Variants in OSBPL9 observed in about 807,000 individuals in gnomAD.
The protein encoded by OSBPL9 is oxysterol binding protein like 9.
A neutral mutation model predicts 106.6 loss-of-function variants in OSBPL9; 40 were observed. The ratio of observed to expected loss-of-function variants is 0.38; its 90% confidence interval spans 0.29 to 0.49. The LOEUF (loss-of-function observed/expected upper bound fraction) is 0.49, where lower values mean the gene tolerates loss of function less well. Among genes scored for constraint, OSBPL9 ranks in the 20% least tolerant of loss-of-function variants. The pLI is 0.97. For synonymous variants in OSBPL9, 269 were observed against 295.4 expected (o/e 0.91, Z 0.92); for missense variants, 609 against 887.2 (o/e 0.69, Z 3.98).
chr1:51,694,856 A>G (rs1236573243), intron 3 of OSBPL9, among the ~76,000 whole-genome samples: 2 of 152,224 alleles, frequency 1.3e-5, no homozygotes, highest in African/African-American at 4.8e-5. Flanking sequence ...GTTTGCCTAC[A>G]AGCTTGAATT....
rs77223248 is a variant in OSBPL9, at chr1:51,699,534, A to G, written c.242-14469A>G. Among the ~76,000 whole-genome samples the G allele has an allele frequency of 3.6e-4, 55 of 152,220 alleles. No homozygotes were observed. In the East Asian group the frequency reaches 7.1e-3, roughly 20 times the overall value. The stretch of plus-strand genomic sequence containing the variant: ...TATTTTGATGCTCAAATTGTCCTCA[A>G]TTTGACCAGAGGAATCCTATTTAAG... On this transcript the variant is annotated intron_variant, in intron 3 of 23. Coordinates refer to ENST00000428468, the MANE Select transcript of OSBPL9 (RefSeq NM_024586.6).
At chr1:51,703,556 G>T (rs1041842203) in intron 3 of OSBPL9, among the ~76,000 whole-genome samples, 1 of 152,186 alleles carries the variant, frequency 6.6e-6, no homozygotes, top group Non-Finnish European at 1.5e-5. Flanking sequence ...AGACAATGGG[G>T]TCTTCTAGAT....
chr1:51,779,209 A>G (rs1021792002), intron 15 of OSBPL9, among the ~76,000 whole-genome samples: 1 of 152,252 alleles, frequency 6.6e-6, no homozygotes, highest in African/African-American at 2.4e-5. Flanking sequence ...ACCCAGGCAC[A>G]TAGACCAATG....
At chr1:51,542,412 C>T in the OSBPL9 span, among the ~76,000 whole-genome samples, 1 of 152,146 alleles carries the variant, frequency 6.6e-6, no homozygotes, top group Non-Finnish European at 1.5e-5. Flanking sequence ...TCTTGTTGCC[C>T]TCATTTCCTA....
chr1:51,768,263 C>CT (rs1286034089), intron 12 of OSBPL9, among the ~76,000 whole-genome samples: 1 of 140,780 alleles, frequency 7.1e-6, no homozygotes, highest in African/African-American at 2.7e-5. Context: ...GAGTTTTGCT[C>CT]TTGTTGCCCA....
intron 1 of OSBPL9, among the ~76,000 whole-genome samples, chr1:51,629,292 A>C (rs1409169259): frequency 1.3e-5 from 2 of 152,152 alleles, no homozygotes; most frequent in South Asian, 2.1e-4. Flanking sequence ...ATAGAATGTA[A>C]GTTCCATTAG....
intron 17 of OSBPL9, 52 bp downstream of exon 17, chr1:51,782,695 A>T: frequency 1.3e-6 from 2 of 1,534,280 alleles, no homozygotes; most frequent in Non-Finnish European, 1.8e-6. Flanking sequence ...ATTCTGTCTA[A>T]AGAGGGTCAT....
chr1:51,715,612 T>C (rs1260488858), intron 4 of OSBPL9, among the ~76,000 whole-genome samples: 1 of 152,154 alleles, frequency 6.6e-6, no homozygotes, highest in Non-Finnish European at 1.5e-5. Context: ...AGTGATCATA[T>C]TAGACTGAAT....
intron 2 of OSBPL9, among the ~76,000 whole-genome samples, chr1:51,657,161 A>G (rs150612711): frequency 2.6e-5 from 4 of 152,330 alleles, no homozygotes; most frequent in African/African-American, 9.6e-5. Context: ...TAATCAGTAA[A>G]TGTTGGGAAA....
the OSBPL9 span, among the ~76,000 whole-genome samples, chr1:51,559,351 T>C: frequency 6.6e-6 from 1 of 151,880 alleles, no homozygotes; most frequent in Admixed American, 6.6e-5. Flanking sequence ...GATTAGAAGT[T>C]AGAAGAAAAC....
At position 51,772,172 on chromosome 1, in the gene OSBPL9, A is replaced by G. The variant is rs1401537872; in HGVS notation, c.1041A>G (p.Thr347=). The change falls in exon 13 of 24, where the codon ACA becomes ACG. Residue 347 remains threonine, a synonymous_variant. Transcript: ENST00000428468. ...ESLNSSLSNG[T]SDADLFDSHD... The stretch of plus-strand genomic sequence containing the variant: ...TTAATTCTTCCTTGTCCAATGGAAC[A>G]AGTGATGCTGGTAAGTGACCTTTGA... 1.9e-6 allele frequency: 3 copies of G among 1,610,404 alleles called. No individual in the cohort carries two copies. Among genetic ancestry groups the G allele is most frequent in the Non-Finnish European group, 2.5e-6 (3 of 1,177,742 alleles).
chr1:51,752,751 G>A (rs926895591), intron 8 of OSBPL9: 27 of 299,290 alleles, frequency 9.0e-5, no homozygotes, highest in South Asian at 6.8e-4. Flanking sequence ...GAGAGGGAGC[G>A]TGCACGTGTG....
At chr1:51,735,708 G>A (rs567187818) in intron 4 of OSBPL9, among the ~76,000 whole-genome samples, 4 of 152,388 alleles carry the variant, frequency 2.6e-5, no homozygotes, top group Middle Eastern at 6.8e-3. Context: ...CAGTGAATAA[G>A]TAATTATTGT....
intron 5 of OSBPL9, 151 bp from the exon 6 acceptor site, chr1:51,746,559 G>T: frequency 7.8e-6 from 4 of 515,746 alleles, no homozygotes; most frequent in African/African-American, 2.0e-5. Context: ...TTGAGTGCTC[G>T]AAAAAAAATA....
At chr1:51,711,317 C>T (rs182231905) in intron 3 of OSBPL9, among the ~76,000 whole-genome samples, 1,840 of 147,890 alleles carry the variant, frequency 0.012, 28 homozygotes, top group African/African-American at 0.041. Context: ...CCGGACGGGG[C>T]GGCTGGCCGG....
chr1:51,655,690 G>A (rs1247850041), intron 2 of OSBPL9, among the ~76,000 whole-genome samples: 1 of 152,202 alleles, frequency 6.6e-6, no homozygotes, highest in Non-Finnish European at 1.5e-5. Context: ...CAGCATGACA[G>A]AGAAGAACCA....
chr1:51,662,880 G>A (rs1334743203), intron 2 of OSBPL9, among the ~76,000 whole-genome samples: 2 of 151,710 alleles, frequency 1.3e-5, no homozygotes, highest in Non-Finnish European at 2.9e-5. Flanking sequence ...GAGTAGCTAG[G>A]ACTACAGGCG....
intron 2 of OSBPL9, among the ~76,000 whole-genome samples, chr1:51,661,235 G>A (rs752205361): frequency 6.6e-6 from 1 of 152,166 alleles, no homozygotes; most frequent in African/African-American, 2.4e-5. Flanking sequence ...TCTCAGAGGA[G>A]TCATCATTCT....
intron 1 of OSBPL9, among the ~76,000 whole-genome samples, chr1:51,580,920 A>G (rs1348256382): frequency 0.011 from 3 of 264 alleles, no homozygotes; most frequent in African/African-American, 0.022. Context: ...ATATATATAT[A>G]TATATATATA....
Sources: gnomAD v4.1 joint callset for allele counts (sites outside exome capture counted in the v4.1 genomes callset) on GRCh38, gnomAD v4.1.1 for gene constraint, MANE v1.5 for transcripts, NCBI Gene and HGNC (gene_info 2026-07-23, HGNC 2026-07-21) for gene names.